Variants in BBX observed in about 807,000 individuals in gnomAD.
BBX encodes HMG box transcription factor BBX.
In BBX, 30 loss-of-function variants were observed where a neutral mutation model predicts 100.2. That is an observed-to-expected ratio of 0.30 (90% CI 0.22 to 0.41). The LOEUF (loss-of-function observed/expected upper bound fraction) is 0.41, where lower values mean the gene tolerates loss of function less well. Among genes scored for constraint, BBX ranks in the 10% least tolerant of loss-of-function variants. The probability of loss-of-function intolerance (pLI) is 1.00; values close to 1 mark genes in which losing one functional copy is unlikely to be tolerated. For synonymous variants in BBX, 376 were observed against 388.1 expected, an observed-to-expected ratio of 0.97 and a Z score of 0.37; for missense variants, 1,023 against 1,129.8, an observed-to-expected ratio of 0.91 and a Z score of 1.35.
At chr3:107,754,678 A>G (rs1056341811) in intron 9 of BBX, among the ~76,000 whole-genome samples, 3 of 152,362 alleles carry the variant, frequency 2.0e-5, no homozygotes, top group African/African-American at 4.8e-5. Flanking sequence ...AGTCACAAGC[A>G]GGATTACCTA....
At chr3:107,727,242 A>T (rs2063013112) in intron 5 of BBX, among the ~76,000 whole-genome samples, 1 of 152,134 alleles carries the variant, frequency 6.6e-6, no homozygotes, top group Non-Finnish European at 1.5e-5. Flanking sequence ...TTACTGGGAC[A>T]CGATAATGAT....
chr3:107,651,054 A>G (rs2057809964), intron 3 of BBX, among the ~76,000 whole-genome samples: 1 of 152,010 alleles, frequency 6.6e-6, no homozygotes, highest in African/African-American at 2.4e-5. Context: ...TTAGGGCCCC[A>G]CCCATATGAC....
intron 15 of BBX, among the ~76,000 whole-genome samples, chr3:107,796,542 G>A (rs938325533): frequency 2.0e-5 from 3 of 152,138 alleles, no homozygotes; most frequent in African/African-American, 4.8e-5. Flanking sequence ...TCGAAATCTC[G>A]AAGCTTATGA....
chr3:107,576,833 G>C (rs2051815944), intron 2 of BBX, among the ~76,000 whole-genome samples: 1 of 151,872 alleles, frequency 6.6e-6, no homozygotes, highest in Admixed American at 6.6e-5. Context: ...CTCTTTATAA[G>C]CATTAAATTG....
At chr3:107,591,803 A>G (rs1207208598) in intron 2 of BBX, among the ~76,000 whole-genome samples, 2 of 152,160 alleles carry the variant, frequency 1.3e-5, no homozygotes, top group Non-Finnish European at 2.9e-5. Context: ...ACATCTACTA[A>G]ACACTTTTAA....
At chr3:107,729,397 C>T (rs971366538) in intron 6 of BBX, among the ~76,000 whole-genome samples, 1 of 152,128 alleles carries the variant, frequency 6.6e-6, no homozygotes, top group Non-Finnish European at 1.5e-5. Context: ...TGAACAAGTA[C>T]ATCACAAATC....
At chr3:107,548,040 T>C (rs556856655) in intron 2 of BBX, among the ~76,000 whole-genome samples, 1 of 152,284 alleles carries the variant, frequency 6.6e-6, no homozygotes, top group Admixed American at 6.5e-5. Context: ...AGCCACACTC[T>C]CAGAGCCTAA....
At chr3:107,655,630 T>A (rs2058090926) in intron 3 of BBX, among the ~76,000 whole-genome samples, 1 of 151,456 alleles carries the variant, frequency 6.6e-6, no homozygotes, top group Non-Finnish European at 1.5e-5. Context: ...GTGATCCTTC[T>A]GCCTTAGCCT....
chr3:107,759,361 A>C (rs968503612), intron 10 of BBX, among the ~76,000 whole-genome samples: 6 of 152,200 alleles, frequency 3.9e-5, no homozygotes, highest in African/African-American at 1.4e-4. Context: ...TTGGACCTCC[A>C]TGAAGTTCAT....
chr3:107,772,674 T>C lies in BBX; in HGVS notation c.953T>C (p.Ile318Thr). ...ATGAAAATGGAAGAATCAAAGCTAA[T>C]AAAAGCAAAAGAATCCGATGGTGGA... is the stretch of plus-strand genomic sequence containing the variant. ...EGMKMEESKLIKAKESDGGRI... is the reference protein window; with the variant it reads ...EGMKMEESKLTKAKESDGGRI... The change falls in exon 11 of 18, where the codon ATA (isoleucine) becomes ACA (threonine). Residue 318 changes from isoleucine (I) to threonine (T), a missense_variant. Coordinates refer to ENST00000325805, the MANE Select transcript of BBX (RefSeq NM_001142568.3). The C allele has an allele frequency of 1.2e-5, 19 of 1,598,554 alleles. No individual in the cohort carries two copies. Among genetic ancestry groups the C allele is most frequent in the Non-Finnish European group, 1.6e-5 (19 of 1,176,378 alleles).
intron 2 of BBX, among the ~76,000 whole-genome samples, chr3:107,642,884 G>A (rs767692224): frequency 6.6e-6 from 1 of 151,890 alleles, no homozygotes; most frequent in African/African-American, 2.4e-5. Context: ...TTGAATTAGG[G>A]GTATGTATGA....
chr3:107,590,110 A>C (rs2053192184), intron 2 of BBX, among the ~76,000 whole-genome samples: 1 of 152,166 alleles, frequency 6.6e-6, no homozygotes, highest in South Asian at 2.1e-4. Flanking sequence ...CTCTGAAAAT[A>C]TTTTTATAAA....
At chr3:107,581,434 TTG>T (rs1196973525) in intron 2 of BBX, among the ~76,000 whole-genome samples, 4 of 151,826 alleles carry the variant, frequency 2.6e-5, no homozygotes, top group Non-Finnish European at 5.9e-5. Flanking sequence ...GATCTTTCAT[TTG>T]TGTCATGTTC....
At chr3:107,691,006 A>G (rs2060136548) in intron 3 of BBX, among the ~76,000 whole-genome samples, 2 of 146,178 alleles carry the variant, frequency 1.4e-5, no homozygotes, top group South Asian at 4.4e-4. Context: ...TCCAAGGCTC[A>G]GGGGATTCTC....
At chr3:107,631,115 G>A (rs754049938) in intron 2 of BBX, among the ~76,000 whole-genome samples, 1 of 152,148 alleles carries the variant, frequency 6.6e-6, no homozygotes, top group Non-Finnish European at 1.5e-5. Context: ...ATCTCTGCCT[G>A]ACTAGAACAA....
intron 2 of BBX, among the ~76,000 whole-genome samples, chr3:107,531,280 T>C (rs2048142754): frequency 6.6e-6 from 1 of 152,188 alleles, no homozygotes; most frequent in Non-Finnish European, 1.5e-5. Context: ...GAAGGTGTAG[T>C]ACAAGGAACA....
intron 3 of BBX, among the ~76,000 whole-genome samples, chr3:107,669,104 T>A (rs1421383160): frequency 6.6e-6 from 1 of 151,878 alleles, no homozygotes; most frequent in Admixed American, 6.6e-5. Context: ...AGGCTAGCGA[T>A]GATGATGATG....
chr3:107,568,211 T>C (rs1163699679), intron 2 of BBX, among the ~76,000 whole-genome samples: 1 of 151,946 alleles, frequency 6.6e-6, no homozygotes, highest in African/African-American at 2.4e-5. Context: ...CCTTTCAATG[T>C]GGAGGCTGTT....
intron 6 of BBX, among the ~76,000 whole-genome samples, chr3:107,732,245 G>A (rs1274301306): frequency 6.6e-6 from 1 of 151,734 alleles, no homozygotes; most frequent in Admixed American, 6.6e-5. Context: ...ATACAACCTG[G>A]GTTATAGATC....
Sources: gnomAD v4.1 joint callset for allele counts (sites outside exome capture counted in the v4.1 genomes callset) on GRCh38, gnomAD v4.1.1 for gene constraint, MANE v1.5 for transcripts, NCBI Gene and HGNC (gene_info 2026-07-23, HGNC 2026-07-21) for gene names.